MIPOL1: variants seen among roughly 807,000 people sequenced by gnomAD.
MIPOL1 encodes the protein mirror-image polydactyly gene 1 protein.
A neutral mutation model predicts 60.9 loss-of-function variants in MIPOL1; 57 were observed. The ratio of observed to expected loss-of-function variants is 0.94; its 90% CI spans 0.76 to 1.17. The LOEUF (loss-of-function observed/expected upper bound fraction) is 1.17, where lower values mean the gene tolerates loss of function less well. Among genes scored for constraint, MIPOL1 ranks in the 50% most tolerant of loss-of-function variants. The pLI, the probability that MIPOL1 is intolerant of heterozygous loss-of-function variation, is 0.00. For missense variants in MIPOL1, 551 were observed against 511.6 expected, an observed-to-expected ratio of 1.08 and a Z score of -0.74; for synonymous variants, 179 against 168.8, an observed-to-expected ratio of 1.06 and a Z score of -0.47.
intron 9 of MIPOL1, among the ~76,000 whole-genome samples, chr14:37,350,035 G>A (rs1277291357): frequency 1.3e-5 from 2 of 152,118 alleles, no homozygotes; most frequent in Non-Finnish European, 2.9e-5. Flanking sequence ...TTGGTGATAA[G>A]TATAACAGTT....
At chr14:37,310,199 C>CGCTA (rs146495341) in intron 9 of MIPOL1, among the ~76,000 whole-genome samples, 1 of 152,068 alleles carries the variant, frequency 6.6e-6, no homozygotes, top group African/African-American at 2.4e-5. Context: ...AAATGAATCT[C>CGCTA]TCTGTTTTGT....
rs756239289 is a variant in MIPOL1, at chr14:37,500,127, A to G, written c.1251A>G (p.Glu417=). ...HAREASQVAN[E]KVQKLERLVD... ...GAGAGGCCTCCCAAGTGGCCAATGA[A>G]AAAGTTCAAAAGTAAGTTAAATGAT... The change falls in exon 12 of 13, where the codon GAA becomes GAG. Residue 417 remains glutamate (E), a synonymous_variant. Transcript: ENST00000684589. The G allele has an allele frequency of 3.8e-6, 6 of 1,597,724 alleles. No homozygotes were observed. The African/African-American group carries it at 6.8e-5, about 18-fold the overall frequency.
chr14:37,481,604 CA>C (rs2094869411), intron 11 of MIPOL1, among the ~76,000 whole-genome samples: 11 of 142,340 alleles, frequency 7.7e-5, no homozygotes, highest in African/African-American at 1.6e-4. Context: ...CACACACACA[CA>C]CACACACCGA....
At chr14:37,380,988 G>A (rs562599195) in intron 10 of MIPOL1, among the ~76,000 whole-genome samples, 6 of 152,194 alleles carry the variant, frequency 3.9e-5, no homozygotes, top group African/African-American at 9.6e-5. Context: ...TTCTCTGATG[G>A]AAACGCTCTA....
At chr14:37,292,914 G>A (rs933172086) in intron 7 of MIPOL1, among the ~76,000 whole-genome samples, 1 of 152,150 alleles carries the variant, frequency 6.6e-6, no homozygotes, top group African/African-American at 2.4e-5. Context: ...ACCTCTGTGG[G>A]ACTGTATGCT....
intron 11 of MIPOL1, among the ~76,000 whole-genome samples, chr14:37,433,779 C>G (rs1204113370): frequency 6.6e-6 from 1 of 152,116 alleles, no homozygotes; most frequent in Admixed American, 6.5e-5. Context: ...TGGTCTCAAA[C>G]TCCTTATCTC....
At chr14:37,332,645 A>G (rs982576234) in intron 9 of MIPOL1, among the ~76,000 whole-genome samples, 1 of 152,238 alleles carries the variant, frequency 6.6e-6, no homozygotes, top group African/African-American at 2.4e-5. Context: ...TGTATTTATC[A>G]GTGCCATAAA....
intron 10 of MIPOL1, among the ~76,000 whole-genome samples, chr14:37,417,635 AG>A (rs1280000964): frequency 6.6e-6 from 1 of 152,132 alleles, no homozygotes; most frequent in Non-Finnish European, 1.5e-5. Flanking sequence ...CCTTCTTCTG[AG>A]GTTAAAAATT....
chr14:37,256,575 A>T (rs943366532), intron 3 of MIPOL1, among the ~76,000 whole-genome samples: 3 of 151,980 alleles, frequency 2.0e-5, no homozygotes, highest in African/African-American at 7.2e-5. Context: ...AAAAGTAATG[A>T]TTACAGTTCA....
chr14:37,203,040 C>T (rs1413619270), intron 1 of MIPOL1, among the ~76,000 whole-genome samples: 5 of 152,174 alleles, frequency 3.3e-5, no homozygotes, highest in Non-Finnish European at 7.3e-5. Flanking sequence ...CACGTACCAT[C>T]TAGAGATGGC....
intron 10 of MIPOL1, among the ~76,000 whole-genome samples, chr14:37,388,656 C>T (rs1194308568): frequency 6.6e-6 from 1 of 151,936 alleles, no homozygotes; most frequent in African/African-American, 2.4e-5. Flanking sequence ...CAACCTCTAT[C>T]CCCAGCCCAA....
intron 10 of MIPOL1, among the ~76,000 whole-genome samples, chr14:37,397,946 TC>T (rs2093408041): frequency 6.6e-6 from 1 of 152,064 alleles, no homozygotes. Flanking sequence ...ACCTGTGGAG[TC>T]TGCACATTGA....
intron 1 of MIPOL1, among the ~76,000 whole-genome samples, chr14:37,205,258 A>G (rs1396730008): frequency 6.6e-6 from 1 of 151,868 alleles, no homozygotes; most frequent in East Asian, 1.9e-4. Context: ...ATGCACTACC[A>G]CGCCCAGCTA....
chr14:37,266,855 C>CA, intron 3 of MIPOL1, 83 bp from the exon 4 acceptor site: 1 of 962,796 alleles, frequency 1.0e-6, no homozygotes, highest in Non-Finnish European at 1.6e-6. Context: ...AGAGTGTTTC[C>CA]AAAAATATTT....
Position 37,491,750 on chromosome 14 carries a change from T to G in MIPOL1, c.1032-8158T>G, listed in dbSNP as rs140171821. On this transcript the variant is annotated intron_variant, in intron 11 of 12. Transcript: ENST00000684589. ...TTAAGTTCAGTATTAATTGACTTAC[T>G]TTATAATAAAGAAATTATTTTTTCT... 4.6e-3 allele frequency among the ~76,000 whole-genome samples: 695 copies of G among 152,330 alleles called. 9 individuals carry two copies. Among genetic ancestry groups the G allele is most frequent in the African/African-American group, 0.015 (636 of 41,564 alleles).
At chr14:37,510,711 T>G (rs2095321420) in intron 12 of MIPOL1, among the ~76,000 whole-genome samples, 1 of 152,136 alleles carries the variant, frequency 6.6e-6, no homozygotes, top group African/African-American at 2.4e-5. Flanking sequence ...CTATAACAAT[T>G]TAGTAGTTTC....
intron 7 of MIPOL1, among the ~76,000 whole-genome samples, chr14:37,295,571 G>C (rs1309438510): frequency 6.6e-6 from 1 of 152,096 alleles, no homozygotes; most frequent in Non-Finnish European, 1.5e-5. Flanking sequence ...CTCACATGCA[G>C]AGACACACAT....
intron 10 of MIPOL1, among the ~76,000 whole-genome samples, chr14:37,419,711 G>C (rs368956704): frequency 1.3e-5 from 2 of 151,882 alleles, no homozygotes; most frequent in South Asian, 2.1e-4. Flanking sequence ...TGTGACTGAT[G>C]AGTGTGATAC....
chr14:37,474,355 C>T (rs568162094), intron 11 of MIPOL1, among the ~76,000 whole-genome samples: 1 of 152,100 alleles, frequency 6.6e-6, no homozygotes, highest in Admixed American at 6.6e-5. Context: ...TTGTAGCTCC[C>T]GTAATCCCCA....
Sources: gnomAD v4.1 joint callset for allele counts (sites outside exome capture counted in the v4.1 genomes callset) on GRCh38, gnomAD v4.1.1 for gene constraint, MANE v1.5 for transcripts, NCBI Gene and HGNC (gene_info 2026-07-23, HGNC 2026-07-21) for gene names.